DPH6: variants seen among roughly 807,000 people sequenced by gnomAD.
DPH6 encodes diphthine--ammonia ligase.
In DPH6, 33 loss-of-function variants were observed where a neutral mutation model predicts 38.2. The observed-to-expected ratio is 0.86, with a 90% CI of 0.65 to 1.15. The LOEUF (loss-of-function observed/expected upper bound fraction) is 1.15. DPH6 is among the 50% of genes most tolerant of loss of function. The pLI is 0.00. For missense variants in DPH6, 325 were observed against 320.0 expected, an observed-to-expected ratio of 1.02 and a Z score of -0.12; for synonymous variants, 108 against 103.0, an observed-to-expected ratio of 1.05 and a Z score of -0.30.
chr15:35,247,310 T>A (rs2051643779), intron 3 of DPH6, among the ~76,000 whole-genome samples: 1 of 152,212 alleles, frequency 6.6e-6, no homozygotes, highest in Admixed American at 6.5e-5. Context: ...GCACATGACA[T>A]AATCCAGGAA....
chr15:35,442,145 ACT>A (rs1358491468), intron 5 of DPH6, among the ~76,000 whole-genome samples: 3 of 152,108 alleles, frequency 2.0e-5, no homozygotes, highest in Admixed American at 2.0e-4. Context: ...TTGATAAGAG[ACT>A]TATACTCAGA....
chr15:35,319,095 T>A (rs948400146), intron 3 of DPH6, among the ~76,000 whole-genome samples: 2 of 152,198 alleles, frequency 1.3e-5, no homozygotes, highest in African/African-American at 4.8e-5. Flanking sequence ...ATACTCTGAA[T>A]GTGCAGGATT....
At chr15:35,349,061 C>T (rs891289307) in intron 3 of DPH6, among the ~76,000 whole-genome samples, 7 of 152,128 alleles carry the variant, frequency 4.6e-5, no homozygotes, top group Non-Finnish European at 8.8e-5. Flanking sequence ...TTGTGTATTA[C>T]ATCTCTAGGG....
At chr15:35,173,362 C>A in the DPH6 span, among the ~76,000 whole-genome samples, 1 of 152,222 alleles carries the variant, frequency 6.6e-6, no homozygotes, top group South Asian at 2.1e-4. Context: ...TCATTTCTAA[C>A]ACCTTAAAAC....
At chr15:35,148,416 T>C in the DPH6 span, among the ~76,000 whole-genome samples, 4 of 152,160 alleles carry the variant, frequency 2.6e-5, no homozygotes, top group East Asian at 7.7e-4. Context: ...TGAATATAGG[T>C]TGAATATTGG....
intron 3 of DPH6, among the ~76,000 whole-genome samples, chr15:35,514,174 GTAAATAAAATCTTACAACTAT>G (rs1207295529): frequency 1.5e-4 from 18 of 121,250 alleles, no homozygotes; most frequent in Non-Finnish European, 1.6e-4. Context: ...TTATAACTAT[GTAAATAAAATCTTACAACTAT>G]GTAGAATCCT....
intron 3 of DPH6, among the ~76,000 whole-genome samples, chr15:35,488,216 T>G (rs1339031784): frequency 6.6e-6 from 1 of 152,166 alleles, no homozygotes; most frequent in Non-Finnish European, 1.5e-5. Context: ...TCTTCCTGTC[T>G]TCTTCTGAGC....
At chr15:35,250,217 A>T (rs1409105102) in intron 3 of DPH6, among the ~76,000 whole-genome samples, 1 of 145,734 alleles carries the variant, frequency 6.9e-6, no homozygotes, top group Non-Finnish European at 1.5e-5. Context: ...ACAAAAAAAT[A>T]AAAAAAATAA....
intron 3 of DPH6, among the ~76,000 whole-genome samples, chr15:35,486,860 A>C (rs1011524919): frequency 6.6e-6 from 1 of 152,204 alleles, no homozygotes; most frequent in Non-Finnish European, 1.5e-5. Flanking sequence ...AGCCTGTAAA[A>C]TAAAATACAA....
At position 35,237,592 on chromosome 15, in the gene DPH6, C is replaced by T. The variant is rs561353401; in HGVS notation, n.201-17010G>A. On this transcript the variant is annotated intron_variant and non_coding_transcript_variant, in intron 3 of 3. Transcript: ENST00000560386. ...AAGCATTGGCAGAAAAGTGTCCGAA[C>T]CTCACGCATCTAAATTTATGTGGCA... 2,039 of 1,589,776 alleles carry T rather than the reference C, an allele frequency of 1.3e-3. 13 individuals carry two copies. The highest frequency in any genetic ancestry group is 0.011 in the South Asian group (964 of 90,542).
chr15:35,422,626 G>A (rs2053520177), intron 5 of DPH6, among the ~76,000 whole-genome samples: 1 of 151,822 alleles, frequency 6.6e-6, no homozygotes, highest in Non-Finnish European at 1.5e-5. Flanking sequence ...ACAACACAGT[G>A]TTGTTAACTA....
intron 6 of DPH6, among the ~76,000 whole-genome samples, chr15:35,408,291 A>G (rs1193565029): frequency 1.3e-5 from 2 of 152,010 alleles, no homozygotes; most frequent in East Asian, 3.9e-4. Flanking sequence ...AATTATCTTG[A>G]GGCAAGAAGC....
intron 3 of DPH6, among the ~76,000 whole-genome samples, chr15:35,351,786 A>G (rs2052513691): frequency 6.6e-6 from 1 of 151,166 alleles, no homozygotes; most frequent in African/African-American, 2.4e-5. Context: ...CAGTGGTGCA[A>G]TTATGGCTCA....
At chr15:35,328,818 A>T (rs939852549), downstream of DPH6, among the ~76,000 whole-genome samples, 3 of 152,156 alleles carry the variant, frequency 2.0e-5, no homozygotes, top group Non-Finnish European at 4.4e-5. Flanking sequence ...TTTACAAAAG[A>T]AAGAGGTTTA....
the DPH6 span, among the ~76,000 whole-genome samples, chr15:35,180,851 T>C: frequency 1.3e-5 from 2 of 152,214 alleles, no homozygotes; most frequent in African/African-American, 4.8e-5. Context: ...TAGTAAACAA[T>C]TTTAATATAT....
At chr15:35,207,469 A>G in the DPH6 span, among the ~76,000 whole-genome samples, 1 of 152,208 alleles carries the variant, frequency 6.6e-6, no homozygotes, top group Non-Finnish European at 1.5e-5. Context: ...AGATTCCTGG[A>G]AAGAGTATAA....
chr15:35,306,593 A>G (rs974832563), intron 3 of DPH6, among the ~76,000 whole-genome samples: 2 of 152,350 alleles, frequency 1.3e-5, no homozygotes, highest in Middle Eastern at 6.8e-3. Context: ...CACAAATTGT[A>G]CCACGTCTCT....
chr15:35,367,215 T>G (rs1595503673), downstream of DPH6, among the ~76,000 whole-genome samples: 9 of 151,928 alleles, frequency 5.9e-5, no homozygotes, highest in South Asian at 1.9e-3. Context: ...AGGAAATTAT[T>G]TCAACAAGAG....
At chr15:35,269,344 G>C (rs1427123577) in intron 3 of DPH6, among the ~76,000 whole-genome samples, 13 of 152,134 alleles carry the variant, frequency 8.5e-5, no homozygotes, top group Admixed American at 8.5e-4. Context: ...ATCTCTCTAA[G>C]AGTAAGGAGA....
Sources: allele counts gnomAD v4.1 joint callset (sites outside exome capture counted in the v4.1 genomes callset), GRCh38; gene constraint gnomAD v4.1.1; transcripts MANE v1.5; gene names NCBI Gene and HGNC (gene_info 2026-07-23, HGNC 2026-07-21).